Variants in LRRC4C observed in about 807,000 individuals in gnomAD.
The protein encoded by LRRC4C is leucine-rich repeat-containing protein 4C.
Under a neutral mutation model 33.6 loss-of-function variants are expected in LRRC4C, and 5 were observed. That is an observed-to-expected ratio of 0.15 (90% CI 0.08 to 0.31). The LOEUF (loss-of-function observed/expected upper bound fraction) is 0.31, where lower values mean the gene tolerates loss of function less well. Among genes scored for constraint, LRRC4C ranks in the 10% least tolerant of loss-of-function variants. The probability of loss-of-function intolerance (pLI) is 1.00; values close to 1 mark genes in which losing one functional copy is unlikely to be tolerated. For missense variants in LRRC4C, 560 were observed against 796.7 expected (o/e 0.70, Z 3.58); for synonymous variants, 329 against 302.0 (o/e 1.09, Z -0.93).
intron 1 of LRRC4C, among the ~76,000 whole-genome samples, chr11:41,287,666 T>A (rs1427242458): frequency 1.3e-5 from 2 of 152,102 alleles, no homozygotes; most frequent in South Asian, 4.1e-4. Flanking sequence ...AAAACAGAGT[T>A]TTTAATCCAC....
At chr11:40,591,470 G>T (rs1022319299) in intron 3 of LRRC4C, among the ~76,000 whole-genome samples, 5 of 152,130 alleles carry the variant, frequency 3.3e-5, no homozygotes, top group Non-Finnish European at 7.3e-5. Flanking sequence ...CTGTAGACCG[G>T]AGCTGTTCCT....
chr11:40,216,125 A>T (rs2135874771), intron 5 of LRRC4C, among the ~76,000 whole-genome samples: 1 of 152,292 alleles, frequency 6.6e-6, no homozygotes, highest in South Asian at 2.1e-4. Context: ...CTCCTTGTTA[A>T]AAAATAACTC....
intron 5 of LRRC4C, among the ~76,000 whole-genome samples, chr11:40,241,284 A>G (rs1431125729): frequency 6.6e-6 from 1 of 152,136 alleles, no homozygotes; most frequent in Non-Finnish European, 1.5e-5. Context: ...CGGGAGGCTG[A>G]GATGGGAGGA....
At chr11:40,439,277 G>A (rs1951283883) in intron 3 of LRRC4C, among the ~76,000 whole-genome samples, 1 of 151,346 alleles carries the variant, frequency 6.6e-6, no homozygotes, top group South Asian at 2.1e-4. Context: ...AATGGTCAAG[G>A]GCAAGGAAAC....
intron 3 of LRRC4C, among the ~76,000 whole-genome samples, chr11:40,573,270 T>C (rs72886951): frequency 0.011 from 1,632 of 152,262 alleles, 24 homozygotes; most frequent in African/African-American, 0.026. Context: ...AAAGACAAAA[T>C]TCATTGGTGT....
At chr11:41,046,770 C>T (rs939297586) in intron 1 of LRRC4C, among the ~76,000 whole-genome samples, 3 of 152,066 alleles carry the variant, frequency 2.0e-5, no homozygotes, top group East Asian at 3.8e-4. Flanking sequence ...CTTAGTTTCA[C>T]GGTGAAAAAT....
chr11:41,178,548 G>A (rs1297649511), intron 1 of LRRC4C, among the ~76,000 whole-genome samples: 3 of 151,890 alleles, frequency 2.0e-5, no homozygotes, highest in Non-Finnish European at 4.4e-5. Flanking sequence ...GTAGAAACAG[G>A]GTCTTGCCAT....
chr11:41,156,090 C>A (rs1035427575), intron 1 of LRRC4C, among the ~76,000 whole-genome samples: 1 of 152,034 alleles, frequency 6.6e-6, no homozygotes, highest in Non-Finnish European at 1.5e-5. Context: ...TTGTAAAACC[C>A]ACGGACCCAT....
At chr11:41,218,749 C>A (rs1460623826) in intron 1 of LRRC4C, among the ~76,000 whole-genome samples, 1 of 150,052 alleles carries the variant, frequency 6.7e-6, no homozygotes, top group Non-Finnish European at 1.5e-5. Context: ...CTTTCATATG[C>A]ATATGCATAT....
intron 2 of LRRC4C, among the ~76,000 whole-genome samples, chr11:40,732,032 G>T (rs1947610233): frequency 6.8e-6 from 1 of 146,334 alleles, no homozygotes; most frequent in Non-Finnish European, 1.5e-5. Context: ...TGCCTGGGAA[G>T]TAAAGTAGTA....
intron 2 of LRRC4C, among the ~76,000 whole-genome samples, chr11:40,726,379 G>A (rs1018881925): frequency 2.0e-5 from 3 of 152,088 alleles, no homozygotes; most frequent in African/African-American, 7.2e-5. Flanking sequence ...ATATCCACGA[G>A]GATCATAGAT....
At chr11:40,520,609 G>A (rs1056338493) in intron 3 of LRRC4C, among the ~76,000 whole-genome samples, 2 of 152,038 alleles carry the variant, frequency 1.3e-5, no homozygotes, top group African/African-American at 2.4e-5. Context: ...AATTATAATA[G>A]TAATATCTAA....
intron 3 of LRRC4C, among the ~76,000 whole-genome samples, chr11:40,467,885 ATTTG>A (rs1053386407): frequency 2.0e-5 from 3 of 151,734 alleles, no homozygotes; most frequent in Admixed American, 6.6e-5. Context: ...GCCATTTTTT[ATTTG>A]TTTGTTTGTT....
chr11:40,749,426 T>A (rs1948579198), intron 2 of LRRC4C, among the ~76,000 whole-genome samples: 1 of 128,492 alleles, frequency 7.8e-6, no homozygotes, highest in African/African-American at 2.9e-5. Flanking sequence ...CAAATGAAGA[T>A]GGAAACACAA....
chr11:40,794,837 T>G (rs368250824), intron 2 of LRRC4C, among the ~76,000 whole-genome samples: 2 of 151,598 alleles, frequency 1.3e-5, no homozygotes, highest in South Asian at 2.1e-4. Flanking sequence ...TCAACACTTC[T>G]GTAAGTCCCA....
chr11:40,480,205 T>C (rs1277418219), intron 3 of LRRC4C, among the ~76,000 whole-genome samples: 2 of 152,090 alleles, frequency 1.3e-5, no homozygotes, highest in Non-Finnish European at 2.9e-5. Context: ...GGGGCTTCTG[T>C]GTCAAATGTA....
intron 1 of LRRC4C, among the ~76,000 whole-genome samples, chr11:41,279,014 C>T (rs1439834260): frequency 1.3e-5 from 2 of 152,102 alleles, no homozygotes; most frequent in Non-Finnish European, 2.9e-5. Flanking sequence ...CCAGTATCTA[C>T]TGTTCCCATC....
chr11:40,713,878 T>C (rs1209995568), intron 2 of LRRC4C, among the ~76,000 whole-genome samples: 1 of 152,214 alleles, frequency 6.6e-6, no homozygotes, highest in African/African-American at 2.4e-5. Context: ...CTAGTATGTA[T>C]GCCCTCTTCA....
At chr11:41,385,957 T>C (rs2137941595) in intron 1 of LRRC4C, among the ~76,000 whole-genome samples, 1 of 151,746 alleles carries the variant, frequency 6.6e-6, no homozygotes, top group South Asian at 2.1e-4. Context: ...AAACTGTGTG[T>C]TTGAACATCT....
Sources: allele counts gnomAD v4.1 joint callset (sites outside exome capture counted in the v4.1 genomes callset), GRCh38; gene constraint gnomAD v4.1.1; transcripts MANE v1.5; gene names NCBI Gene and HGNC (gene_info 2026-07-23, HGNC 2026-07-21).